The following IL1RAPL1 variants were observed in gnomAD, a reference collection of about 807,000 sequenced individuals.
IL1RAPL1 encodes the protein interleukin-1 receptor accessory protein-like 1.
In IL1RAPL1, 3 loss-of-function variants were observed where a neutral mutation model predicts 48.4. The ratio of observed to expected loss-of-function variants is 0.06; its 90% CI spans 0.03 to 0.16. The LOEUF is 0.16. Ranked by LOEUF, IL1RAPL1 falls within the 10% of genes least tolerant of loss-of-function variation. The probability of loss-of-function intolerance (pLI) is 1.00; values close to 1 mark genes in which losing one functional copy is unlikely to be tolerated. For missense variants in IL1RAPL1, 349 were observed against 530.6 expected (o/e 0.66, Z 3.36); for synonymous variants, 185 against 187.7 (o/e 0.99, Z 0.12).
chrX:28,801,787 T>C (rs1186097465), intron 2 of IL1RAPL1, among the ~76,000 whole-genome samples: 1 of 112,215 alleles, frequency 8.9e-6, no homozygotes, highest in Non-Finnish European at 1.9e-5. Flanking sequence ...ATGCAGCTGC[T>C]AACGAGCCTT....
At chrX:29,060,729 T>C (rs181100645) in intron 2 of IL1RAPL1, among the ~76,000 whole-genome samples, 130 of 111,685 alleles carry the variant, frequency 1.2e-3, no homozygotes, top group Middle Eastern at 4.7e-3. Context: ...TCATGAGGAG[T>C]AAATAACATA....
At chrX:28,624,875 T>C (rs1048283544) in intron 1 of IL1RAPL1, among the ~76,000 whole-genome samples, 6 of 112,227 alleles carry the variant, frequency 5.3e-5, no homozygotes, top group African/African-American at 1.6e-4. Flanking sequence ...TAAGGATCAA[T>C]TTCTGCACAC....
At chrX:29,918,186 C>A (rs1932817384) in intron 7 of IL1RAPL1, among the ~76,000 whole-genome samples, 1 of 53,562 alleles carries the variant, frequency 1.9e-5, no homozygotes, top group Non-Finnish European at 3.3e-5. Flanking sequence ...GATCAAAATA[C>A]CATAAAATAT....
intron 3 of IL1RAPL1, among the ~76,000 whole-genome samples, chrX:29,369,996 G>A (rs994202053): frequency 9.0e-6 from 1 of 111,376 alleles, no homozygotes; most frequent in Non-Finnish European, 1.9e-5. Flanking sequence ...ATGATTCATG[G>A]TGTCTTTCCA....
At chrX:28,760,925 A>G (rs536545372) in intron 1 of IL1RAPL1, among the ~76,000 whole-genome samples, 1 of 109,772 alleles carries the variant, frequency 9.1e-6, no homozygotes, top group African/African-American at 3.3e-5. Context: ...ATCTCTACTA[A>G]AAATACAAAC....
intron 6 of IL1RAPL1, among the ~76,000 whole-genome samples, chrX:29,778,150 G>A (rs1347050116): frequency 9.0e-6 from 1 of 110,831 alleles, no homozygotes; most frequent in South Asian, 3.7e-4. Context: ...TACACATTTC[G>A]CTTAATCTAC....
intron 5 of IL1RAPL1, among the ~76,000 whole-genome samples, chrX:29,637,934 C>T (rs976521983): frequency 8.9e-6 from 1 of 111,959 alleles, no homozygotes; most frequent in African/African-American, 3.2e-5. Context: ...CTTCACACAG[C>T]GGACCTATGT....
chrX:29,763,463 T>C (rs1251915436), intron 6 of IL1RAPL1, among the ~76,000 whole-genome samples: 1 of 111,201 alleles, frequency 9.0e-6, no homozygotes, highest in Admixed American at 9.7e-5. Flanking sequence ...GTCCTCAGAA[T>C]GAAAATACTC....
chrX:28,764,259 C>T (rs914160020), intron 1 of IL1RAPL1, among the ~76,000 whole-genome samples: 3 of 111,626 alleles, frequency 2.7e-5, no homozygotes, highest in Non-Finnish European at 5.6e-5. Flanking sequence ...AATCACAATT[C>T]TACTTCTATA....
chrX:29,541,800 A>G (rs1338633656), intron 5 of IL1RAPL1, among the ~76,000 whole-genome samples: 2 of 110,710 alleles, frequency 1.8e-5, no homozygotes, highest in Non-Finnish European at 3.8e-5. Context: ...GGAGGGGTTC[A>G]AGTTTTGAAA....
intron 2 of IL1RAPL1, among the ~76,000 whole-genome samples, chrX:29,199,391 TC>T (rs1463308357): frequency 9.0e-6 from 1 of 111,561 alleles, no homozygotes; most frequent in Non-Finnish European, 1.9e-5. Flanking sequence ...AAATTAATTT[TC>T]AAAGTTAATA....
chrX:29,109,398 T>TTTTTC (rs1928516339), intron 2 of IL1RAPL1, among the ~76,000 whole-genome samples: 1 of 110,160 alleles, frequency 9.1e-6, no homozygotes, highest in Non-Finnish European at 1.9e-5. Context: ...AAACACTTGT[T>TTTTTC]TTTTCTTTTT....
intron 2 of IL1RAPL1, among the ~76,000 whole-genome samples, chrX:28,944,507 A>G (rs1234695413): frequency 9.0e-6 from 1 of 111,130 alleles, no homozygotes; most frequent in Non-Finnish European, 1.9e-5. Context: ...AAATAGTTAG[A>G]AATCTATTTG....
intron 5 of IL1RAPL1, among the ~76,000 whole-genome samples, chrX:29,531,214 C>T (rs1313546752): frequency 9.1e-6 from 1 of 110,149 alleles, no homozygotes; most frequent in Non-Finnish European, 1.9e-5. Context: ...ATAGGGACTC[C>T]AATTTGCTAC....
Position 29,666,087 on chromosome X carries a change from G to GT in IL1RAPL1, c.704-2334dup, listed in dbSNP as rs756191637. Among the ~76,000 whole-genome samples, 24 of 108,240 alleles carry GT rather than the reference G, an allele frequency of 2.2e-4. 1 individual carries two copies. The highest frequency in any genetic ancestry group is 3.9e-4 in the South Asian group (1 of 2,577). The allele number at this position is 108,240 out of a possible 115,157, so 94.0% of individuals were successfully genotyped here. A position where few individuals can be genotyped will look rare whatever the true frequency, so the allele number is the denominator to read the frequency against. On this transcript the variant is annotated intron_variant, in intron 5 of 10. Transcript: ENST00000378993. ...AAAATAATAGAGTTGAATCAGTCCA[G>GT]TTTTTTTTTAAGTTATTAATATTTT...
intron 3 of IL1RAPL1, among the ~76,000 whole-genome samples, chrX:29,284,359 ATATAT>A (rs1312886605): frequency 2.7e-5 from 3 of 112,687 alleles, no homozygotes; most frequent in Non-Finnish European, 5.6e-5. Flanking sequence ...CACTAGCAAC[ATATAT>A]TATGTTAGAG....
At chrX:29,413,907 A>G (rs1934180826) in intron 5 of IL1RAPL1, among the ~76,000 whole-genome samples, 1 of 110,600 alleles carries the variant, frequency 9.0e-6, no homozygotes, top group Non-Finnish European at 1.9e-5. Context: ...ATACAAATGC[A>G]TACATACGTA....
At chrX:29,052,346 A>G (rs1171961196) in intron 2 of IL1RAPL1, among the ~76,000 whole-genome samples, 1 of 110,936 alleles carries the variant, frequency 9.0e-6, no homozygotes, top group Non-Finnish European at 1.9e-5. Flanking sequence ...CTTTACCTCC[A>G]CAGTATGTCC....
chrX:29,657,112 C>T (rs1022575544), intron 5 of IL1RAPL1, among the ~76,000 whole-genome samples: 5 of 111,782 alleles, frequency 4.5e-5, no homozygotes, highest in Non-Finnish European at 9.4e-5. Context: ...TATGTATCAA[C>T]AGCTCCATGT....
Sources: allele counts gnomAD v4.1 joint callset (sites outside exome capture counted in the v4.1 genomes callset), GRCh38; gene constraint gnomAD v4.1.1; transcripts MANE v1.5; gene names NCBI Gene and HGNC (gene_info 2026-07-23, HGNC 2026-07-21).